Variants in EPM2A observed in about 807,000 individuals in gnomAD.
The protein encoded by EPM2A is laforin.
EPM2A carries 21 observed loss-of-function variants against 26.5 expected under a neutral mutation model. The ratio of observed to expected loss-of-function variants is 0.79; its 90% CI spans 0.56 to 1.14. EPM2A has a LOEUF of 1.14. EPM2A is among the 50% of genes most tolerant of loss of function. The pLI, the probability that EPM2A is intolerant of heterozygous loss-of-function variation, is 0.00. For synonymous variants in EPM2A, 217 were observed against 177.6 expected, an observed-to-expected ratio of 1.22 and a Z score of -1.76; for missense variants, 458 against 440.8, an observed-to-expected ratio of 1.04 and a Z score of -0.35.
At chr6:145,452,261 C>T (rs1174766270) in intron 4 of EPM2A, among the ~76,000 whole-genome samples, 1 of 152,118 alleles carries the variant, frequency 6.6e-6, no homozygotes, top group East Asian at 1.9e-4. Flanking sequence ...CAAAATCACG[C>T]TCTTTTTCTT....
intron 4 of EPM2A, among the ~76,000 whole-genome samples, chr6:145,479,313 A>ATG (rs1443464833): frequency 6.8e-6 from 1 of 146,920 alleles, no homozygotes; most frequent in East Asian, 2.0e-4. Context: ...ATACATATAT[A>ATG]TGTGTATATA....
intron 2 of EPM2A, among the ~76,000 whole-genome samples, chr6:145,642,658 A>G (rs1777171353): frequency 6.6e-6 from 1 of 152,230 alleles, no homozygotes; most frequent in African/African-American, 2.4e-5. Flanking sequence ...GAGATTTTAG[A>G]TAAGACAGGA....
chr6:145,662,307 T>A (rs566404586), intron 2 of EPM2A, among the ~76,000 whole-genome samples: 79 of 152,238 alleles, frequency 5.2e-4, no homozygotes, highest in Non-Finnish European at 8.5e-4. Context: ...CTATTATTTT[T>A]ATAACAAATG....
intron 2 of EPM2A, among the ~76,000 whole-genome samples, chr6:145,595,466 A>T (rs2128548788): frequency 7.2e-6 from 1 of 139,796 alleles, no homozygotes; most frequent in African/African-American, 2.8e-5. Flanking sequence ...AATTTAATCA[A>T]ATTCTCAGAA....
At position 145,507,096 on chromosome 6, in the gene EPM2A, A is replaced by AT. The variant is rs1318160178; in HGVS notation, c.341-4522dup. On this transcript the variant is annotated intron_variant, in intron 2 of 3. Coordinates refer to the EPM2A transcript ENST00000450221. ...CTGTGGTTTTAAAGAAAGAGATGAG[A>AT]TTTTAAATCACAAGTAAAAAAATCA... Among the ~76,000 whole-genome samples the AT allele has an allele frequency of 3.3e-5, 5 of 152,334 alleles. No individual in the cohort carries two copies. In the South Asian group the frequency reaches 1.0e-3, roughly 32 times the overall value.
At chr6:145,608,355 A>T (rs1775314794) in intron 2 of EPM2A, among the ~76,000 whole-genome samples, 1 of 152,214 alleles carries the variant, frequency 6.6e-6, no homozygotes, top group Non-Finnish European at 1.5e-5. Flanking sequence ...GCACAGACAT[A>T]TACACCTTCC....
chr6:145,652,938 G>C (rs996591387), intron 2 of EPM2A, among the ~76,000 whole-genome samples: 2 of 152,122 alleles, frequency 1.3e-5, no homozygotes, highest in African/African-American at 4.8e-5. Flanking sequence ...TAAATATAAG[G>C]ATTAAAAGAT....
intron 4 of EPM2A, among the ~76,000 whole-genome samples, chr6:145,388,438 T>A (rs909002656): frequency 1.3e-5 from 2 of 152,190 alleles, no homozygotes; most frequent in African/African-American, 4.8e-5. Flanking sequence ...CATTGGTTGT[T>A]CTATCTCCAT....
chr6:145,389,380 C>T (rs886720655), intron 4 of EPM2A, among the ~76,000 whole-genome samples: 2 of 151,778 alleles, frequency 1.3e-5, no homozygotes, highest in South Asian at 2.1e-4. Flanking sequence ...TTAGTAGAGA[C>T]GGGGTTTCAC....
At chr6:145,568,055 G>A (rs1041318256) in intron 2 of EPM2A, among the ~76,000 whole-genome samples, 2 of 152,130 alleles carry the variant, frequency 1.3e-5, no homozygotes, top group East Asian at 3.9e-4. Context: ...ATGAAGGAAG[G>A]ATGCCACATA....
chr6:145,566,539 T>C (rs1780886505), intron 2 of EPM2A, among the ~76,000 whole-genome samples: 1 of 152,232 alleles, frequency 6.6e-6, no homozygotes, highest in Non-Finnish European at 1.5e-5. Flanking sequence ...GTCTGCTGAC[T>C]GGTGATCACC....
At chr6:145,651,829 G>A (rs1254008953) in intron 2 of EPM2A, among the ~76,000 whole-genome samples, 2 of 152,106 alleles carry the variant, frequency 1.3e-5, no homozygotes, top group Non-Finnish European at 2.9e-5. Flanking sequence ...TCATAGTTTG[G>A]GATTCTGTTA....
chr6:145,719,576 A>T (rs2128637601), intron 1 of EPM2A, among the ~76,000 whole-genome samples: 1 of 152,298 alleles, frequency 6.6e-6, no homozygotes, highest in South Asian at 2.1e-4. Flanking sequence ...TACATATGTA[A>T]CTAACCTGCA....
At chr6:145,714,967 A>T (rs2128634207) in intron 1 of EPM2A, among the ~76,000 whole-genome samples, 1 of 152,312 alleles carries the variant, frequency 6.6e-6, no homozygotes, top group East Asian at 1.9e-4. Context: ...TGACTGTGGT[A>T]ATAGTCGTGG....
intron 4 of EPM2A, among the ~76,000 whole-genome samples, chr6:145,437,185 A>G (rs911257923): frequency 1.3e-5 from 2 of 151,932 alleles, no homozygotes; most frequent in Non-Finnish European, 2.9e-5. Context: ...TTCTCATGAG[A>G]TCTGATGGTT....
At chr6:145,570,544 G>C (rs1044170456) in intron 2 of EPM2A, among the ~76,000 whole-genome samples, 1 of 152,200 alleles carries the variant, frequency 6.6e-6, no homozygotes, top group South Asian at 2.1e-4. Context: ...AAAGAAGCAG[G>C]AAATACTCAT....
At chr6:145,462,951 T>C (rs1209900715) in intron 4 of EPM2A, among the ~76,000 whole-genome samples, 2 of 152,218 alleles carry the variant, frequency 1.3e-5, no homozygotes, top group Non-Finnish European at 2.9e-5. Flanking sequence ...TAAAATGTCA[T>C]ATTCATTTGC....
intron 2 of EPM2A, among the ~76,000 whole-genome samples, chr6:145,527,802 A>C (rs1461070525): frequency 1.3e-5 from 2 of 152,110 alleles, no homozygotes; most frequent in African/African-American, 2.4e-5. Flanking sequence ...AAAAGCCACA[A>C]ATGATTACGC....
intron 2 of EPM2A, among the ~76,000 whole-genome samples, chr6:145,601,699 TC>T (rs1171130722): frequency 1.3e-5 from 2 of 152,206 alleles, no homozygotes; most frequent in African/African-American, 4.8e-5. Flanking sequence ...GAAACATTTA[TC>T]CTTCTGTGTG....
Sources: allele counts gnomAD v4.1 joint callset (sites outside exome capture counted in the v4.1 genomes callset), GRCh38; gene constraint gnomAD v4.1.1; transcripts MANE v1.5; gene names NCBI Gene and HGNC (gene_info 2026-07-23, HGNC 2026-07-21).